Variants in MST1R observed in about 807,000 individuals in gnomAD.
MST1R encodes the protein macrophage stimulating 1 receptor.
A neutral mutation model predicts 117.8 loss-of-function variants in MST1R; 99 were observed. That is an observed-to-expected ratio of 0.84 (90% CI 0.71 to 0.99). MST1R has a LOEUF of 0.99. Ranked by LOEUF, MST1R falls within the 50% of genes least tolerant of loss-of-function variation. The probability of loss-of-function intolerance (pLI) is 0.00; values close to 1 mark genes in which losing one functional copy is unlikely to be tolerated. For synonymous variants in MST1R, 734 were observed against 765.3 expected (o/e 0.96, Z 0.68); for missense variants, 1,683 against 1,840.2 (o/e 0.91, Z 1.56).
rs751488352 is a variant in MST1R at position 49,895,326 on chromosome 3, C to T, written c.3112G>A (p.Ala1038Thr). The T allele has an allele frequency of 2.5e-6, 4 of 1,614,234 alleles. No individual in the cohort carries two copies. The highest frequency in any genetic ancestry group is 2.2e-5 in the East Asian group (1 of 44,886). ...TCATCTTCACTATCGGAGAAGGATGCTCCATGGACACAAGTGGTGGAATCC... is the reference window on the plus strand; with the variant it reads ...TCATCTTCACTATCGGAGAAGGATGTTCCATGGACACAAGTGGTGGAATCC... ...GLDSTTCVHGASFSDSEDESC... is the reference protein window; with the variant it reads ...GLDSTTCVHGTSFSDSEDESC... The change falls in exon 14 of 20, where the codon GCA (alanine) becomes ACA (threonine). Residue 1038 changes from alanine to threonine, a missense_variant. Coordinates refer to ENST00000296474, the MANE Select transcript of MST1R (RefSeq NM_002447.4).
intron 19 of MST1R, 21 bp from the exon 20 acceptor site, chr3:49,887,583 C>CAT: frequency 6.2e-7 from 1 of 1,609,702 alleles, no homozygotes. Flanking sequence ...AAAGGGATGT[C>CAT]AGGTTAAGGC....
rs1372579415 is a variant in MST1R, at chr3:49,896,014, C to T, written c.2743G>A (p.Val915Ile). 2 of 1,599,834 alleles carry T rather than the reference C, an allele frequency of 1.3e-6. No individual in the cohort carries two copies. Among genetic ancestry groups the T allele is most frequent in the African/African-American group, 2.7e-5 (2 of 74,782 alleles). ...CQHEFRGDMV[V>I]CPLPPSLQLG... ...TGCAGGGATGGGGGCAGGGGGCAGA[C>T]AACCATGTCCCCCCGGAACTCGTGC... The change falls in exon 11 of 20, where the codon GTC becomes ATC. Residue 915 changes from valine (V) to isoleucine (I), a missense_variant. Coordinates refer to ENST00000296474, the MANE Select transcript of MST1R (RefSeq NM_002447.4).
Position 49,895,166 on chromosome 3 carries a change from C to A in MST1R, c.3271+1G>T, listed in dbSNP as rs2082424063. ...GCCCCAGCCCCACCTGGCCCCCACA[C>A]CTTTGCCAATGACTCGGTCACTGTG... is the stretch of plus-strand genomic sequence containing the variant. On this transcript the variant is annotated splice_donor_variant, in intron 14 of 19. Transcript: ENST00000296474. LOFTEE classifies it high-confidence loss of function. 1.9e-6 allele frequency: 3 copies of A among 1,613,914 alleles called. No homozygotes were observed. Among genetic ancestry groups the A allele is most frequent in the Non-Finnish European group, 2.5e-6 (3 of 1,180,030 alleles).
At position 49,896,709 on chromosome 3, in the gene MST1R, G is replaced by A. The variant is rs1197545430; in HGVS notation, c.2345+20C>T. 1.2e-6 allele frequency: 2 copies of A among 1,604,002 alleles called. No homozygotes were observed. Among genetic ancestry groups the A allele is most frequent in the Admixed American group, 1.7e-5 (1 of 58,586 alleles). On this transcript the variant is annotated intron_variant, in intron 8 of 19. Coordinates refer to ENST00000296474, the MANE Select transcript of MST1R (RefSeq NM_002447.4). ...CTCTCATTCCCCAGAGGCCAGAGTG[G>A]GCAAAGAGGCAGTGCTTACATGTAG... is the stretch of plus-strand genomic sequence containing the variant.
chr3:49,890,386 G>A (rs2082277186), intron 18 of MST1R, 99 bp downstream of exon 18: 2 of 1,336,132 alleles, frequency 1.5e-6, no homozygotes, highest in African/African-American at 1.5e-5. Flanking sequence ...CATCTACCCT[G>A]GGGACTCCCT....
intron 1 of MST1R, among the ~76,000 whole-genome samples, chr3:49,901,541 C>G (rs2082676867): frequency 6.6e-6 from 1 of 152,120 alleles, no homozygotes; most frequent in South Asian, 2.1e-4. Flanking sequence ...CTTCCTAGGC[C>G]TTTACTTATC....
At position 49,891,571 on chromosome 3, in the gene MST1R, T is replaced by C. The variant is rs758796149; in HGVS notation, c.3362A>G (p.Glu1121Gly). ...CAIKSLSRIT[E>G]MQQVEAFLRE... The stretch of plus-strand genomic sequence containing the variant: ...CAGGAAGGCCTCCACCTGCTGCATC[T>C]CTGTGATGCCTGCAGAGCAGCGCAA... Residue 1121 changes from glutamate (E) to glycine (G), a missense_variant, in exon 16 of 20, where the codon GAG becomes GGG. Physicochemically the swap from Glu to Gly is moderately conservative, Grantham distance 98 (BLOSUM62 -2). Transcript: ENST00000296474. 3 of 1,613,830 alleles carry C rather than the reference T, an allele frequency of 1.9e-6. No individual in the cohort carries two copies. In the South Asian group the frequency reaches 3.3e-5, roughly 18 times the overall value.
rs777313778 is a variant in MST1R, at chr3:49,902,902, T to C, written c.708A>G (p.Ser236=). 3.1e-6 allele frequency: 5 copies of C among 1,613,506 alleles called. No individual in the cohort carries two copies. Among genetic ancestry groups the C allele is most frequent in the South Asian group, 1.1e-5 (1 of 91,092 alleles). The change falls in exon 1 of 20, where the codon TCA becomes TCG. Residue 236 remains serine (S), a synonymous_variant. Coordinates refer to ENST00000296474, the MANE Select transcript of MST1R (RefSeq NM_002447.4). ...SGFAPGFVAL[S]VLPKHLVSYS... is the part of the protein sequence containing the mutation. ...AGGAGACAAGATGCTTGGGCAGCAC[T>C]GACAACGCCACAAAGCCCGGTGCGA...
intron 1 of MST1R, among the ~76,000 whole-genome samples, chr3:49,901,111 T>C (rs993784713): frequency 1.4e-4 from 22 of 152,102 alleles, no homozygotes; most frequent in Admixed American, 6.5e-4. Context: ...TGACTCCCCA[T>C]TGGGAAGGAG....
rs943116753 is a variant in MST1R at position 49,896,119 on chromosome 3, G to A, written c.2650-12C>T. ...CCCAGCCCAATATACTGCAGAGAGG[G>A]TCATGAGGACCAGCCAGTAGGCTGG... On this transcript the variant is annotated splice_polypyrimidine_tract_variant and intron_variant, in intron 10 of 19. Coordinates refer to ENST00000296474, the MANE Select transcript of MST1R (RefSeq NM_002447.4). The A allele has an allele frequency of 5.0e-6, 8 of 1,613,912 alleles. No homozygotes were observed. The highest frequency in any genetic ancestry group is 3.3e-5 in the Admixed American group (2 of 60,000).
At chr3:49,888,712 C>T (rs2082232465) in intron 19 of MST1R, among the ~76,000 whole-genome samples, 4 of 152,192 alleles carry the variant, frequency 2.6e-5, no homozygotes, top group South Asian at 2.1e-4. Context: ...AGTGCCTGCC[C>T]CATTATCTTG....
chr3:49,902,062 C>A (rs1261750892), intron 1 of MST1R, among the ~76,000 whole-genome samples: 2 of 152,082 alleles, frequency 1.3e-5, no homozygotes, highest in Non-Finnish European at 2.9e-5. Context: ...GCTATGCTAA[C>A]AGAGACACGG....
At chr3:49,897,716 C>A in intron 5 of MST1R, 31 bp from the exon 6 acceptor site, 1 of 1,587,632 alleles carries the variant, frequency 6.3e-7, no homozygotes, top group Non-Finnish European at 8.6e-7. Flanking sequence ...CTGAGGTCAG[C>A]CAGGAATTAC....
chr3:49,896,540 C>A lies in MST1R; in HGVS notation c.2439G>T (p.Arg813Ser). ...FHDGLRAVES[R>S]CERQLPEQQL... ...TCCCTCCTGGCCAGCACTCACTCAC[C>A]CTGCTTTCCACTGCCCTAAGCCCGT... The change falls in exon 9 of 20, where the codon AGG becomes AGT. Residue 813 changes from arginine (R) to serine (S), a missense_variant and splice_region_variant. By Grantham distance (110) the Arg-to-Ser change is moderately radical. Transcript: ENST00000296474. 6.2e-7 allele frequency: 1 copy of A among 1,614,120 alleles called. No individual in the cohort carries two copies. Among genetic ancestry groups the A allele is most frequent in the Non-Finnish European group, 8.5e-7 (1 of 1,179,984 alleles).
rs1559469523 is a variant in MST1R at position 49,891,819 on chromosome 3, G to A, written c.3291C>T (p.Tyr1097=). Residue 1097 remains tyrosine (Y), a synonymous_variant, in exon 15 of 20, where the codon TAC becomes TAT. Transcript: ENST00000296474. ...VIGKGHFGVV[Y]HGEYIDQAQN... ...GGGCCTGGTCTATGTATTCTCCGTG[G>A]TAGACAACTCCAAAGTGGCCTGGTG... 1.2e-6 allele frequency: 2 copies of A among 1,614,146 alleles called. No individual in the cohort carries two copies. Among genetic ancestry groups the A allele is most frequent in the African/African-American group, 1.3e-5 (1 of 75,014 alleles).
chr3:49,903,721 T>C lies in MST1R; in HGVS notation c.-112A>G. ...GGACTGGGCCAAATTTAAGCAGCGG[T>C]CCCGACAGCCCCAAGATAGCGGACC... On this transcript the variant is annotated 5_prime_UTR_variant, in exon 1 of 20. Transcript: ENST00000296474. 7.2e-7 allele frequency: 1 copy of C among 1,396,970 alleles called. No homozygotes were observed. The highest frequency in any genetic ancestry group is 9.5e-7 in the Non-Finnish European group (1 of 1,053,598). 86.5% of individuals were successfully genotyped at this position (1,396,970 alleles called of 1,614,324 possible).
In MST1R at chr3:49,898,527, C is replaced by T. The variant is rs2082558980; in HGVS notation, c.1710G>A (p.Lys570=). ...GSWQQDHCPP[K]LTEFHPHSGP... is the part of the protein sequence containing the mutation. ...GCCAGGGAAGCCATACCTCAGTAAG[C>T]TTAGGTGGGCAGTGGTCCTGTTGCC... is the stretch of plus-strand genomic sequence containing the variant. Residue 570 remains lysine, a synonymous_variant, in exon 4 of 20, where the codon AAG becomes AAA. Coordinates refer to ENST00000296474, the MANE Select transcript of MST1R (RefSeq NM_002447.4). 5.6e-6 allele frequency: 9 copies of T among 1,613,636 alleles called. No individual in the cohort carries two copies. Among genetic ancestry groups the T allele is most frequent in the Non-Finnish European group, 7.6e-6 (9 of 1,179,932 alleles).
chr3:49,889,634 C>T (rs927472174), intron 19 of MST1R, among the ~76,000 whole-genome samples: 1 of 152,136 alleles, frequency 6.6e-6, no homozygotes, highest in Non-Finnish European at 1.5e-5. Context: ...GGAAAGCAGA[C>T]CCCGTTAGTG....
At chr3:49,894,161 G>A (rs1409105415) in intron 14 of MST1R, among the ~76,000 whole-genome samples, 1 of 151,440 alleles carries the variant, frequency 6.6e-6, no homozygotes, top group South Asian at 2.1e-4. Context: ...GTTGCAATGA[G>A]CCGAGATCGC....
Sources: gnomAD v4.1 joint callset for allele counts (sites outside exome capture counted in the v4.1 genomes callset) on GRCh38, gnomAD v4.1.1 for gene constraint, MANE v1.5 for transcripts, NCBI Gene and HGNC (gene_info 2026-07-23, HGNC 2026-07-21) for gene names.